Variants in GAS5 observed in about 807,000 individuals in gnomAD.
The protein encoded by GAS5 is growth arrest specific 5.
upstream of GAS5, chr1:173,867,944 CA>C (rs570420988): frequency 4.0e-4 from 143 of 361,276 alleles, 1 homozygote; most frequent in Non-Finnish European, 6.3e-4. Flanking sequence ...GCAACATTCG[CA>C]AAGATAAAAC....
chr1:173,868,090 T>C, upstream of GAS5: 1 of 168,734 alleles, frequency 5.9e-6, no homozygotes, highest in Non-Finnish European at 1.3e-5. Flanking sequence ...CTAACCTCCC[T>C]CAATCTTCCT....
At chr1:173,864,589 C>T in intron 6 of GAS5, 1 of 377,162 alleles carries the variant, frequency 2.7e-6, no homozygotes, top group Admixed American at 3.5e-5. Flanking sequence ...TTTTAAACAG[C>T]TAATCACTCC....
At chr1:173,868,403 G>C (rs1421966382), upstream of GAS5, 1 of 153,028 alleles carries the variant, frequency 6.5e-6, no homozygotes, top group Admixed American at 6.5e-5. Flanking sequence ...TCCACCCCCG[G>C]AGGTAGGTGC....
At chr1:173,865,881 A>C in exon 5 of GAS5, 4 of 518,528 alleles carry the variant, frequency 7.7e-6, no homozygotes, top group South Asian at 5.6e-5. Flanking sequence ...TGGTCCAGGC[A>C]AGTTGGACTC....
Position 173,866,256 on chromosome 1 carries a change from T to C in GAS5, n.132-50A>G, listed in dbSNP as rs764504768. ...AGCAAAAAATATTTTAATGGTAGAT[T>C]GGTGGTACACTGCTTAACCATTAAC... is the stretch of plus-strand genomic sequence containing the variant. On this transcript the variant is annotated intron_variant and non_coding_transcript_variant, in intron 3 of 7. Coordinates refer to ENST00000651080, the Ensembl canonical transcript of GAS5. The C allele has an allele frequency of 2.0e-5, 10 of 493,446 alleles. 1 individual carries two copies. Among genetic ancestry groups the C allele is most frequent in the South Asian group, 1.5e-4 (10 of 67,828 alleles). The allele number at this position is 493,446 out of a possible 1,614,324, so 30.6% of individuals were successfully genotyped here.
chr1:173,867,776 T>C (rs369867264), upstream of GAS5: 2 of 519,196 alleles, frequency 3.9e-6, no homozygotes, highest in Non-Finnish European at 7.7e-6. Flanking sequence ...TCCGCAGTTC[T>C]ACTCTAACAT....
exon 4 of GAS5, chr1:173,866,200 C>G (rs1448003008): frequency 1.7e-5 from 8 of 476,786 alleles, no homozygotes; most frequent in South Asian, 7.6e-5. Context: ...AGCTTTCTGT[C>G]TAATGCCTGT....
intron 3 of GAS5, chr1:173,866,235 A>C: frequency 2.1e-6 from 1 of 486,948 alleles, no homozygotes; most frequent in Non-Finnish European, 4.1e-6. Flanking sequence ...ATTGTCAGCA[A>C]AAAATATTTT....
intron 2 of GAS5, chr1:173,866,730 A>G: frequency 1.3e-6 from 1 of 765,512 alleles, no homozygotes; most frequent in Non-Finnish European, 2.4e-6. Flanking sequence ...CAATGGCTTT[A>G]AACCTTTTTG....
chr1:173,865,286 T>C (rs991796660), intron 6 of GAS5: 1 of 427,772 alleles, frequency 2.3e-6, no homozygotes, highest in Non-Finnish European at 4.6e-6. Flanking sequence ...TCCATACCTG[T>C]AGAAATTTAA....
At chr1:173,866,598 G>C (rs1557873133) in intron 2 of GAS5, 1 of 763,142 alleles carries the variant, frequency 1.3e-6, no homozygotes, top group Admixed American at 1.7e-5. Context: ...GTGAACTTAG[G>C]TGTACTCTCT....
At chr1:173,867,644 C>G (rs754466923), upstream of GAS5, 2 of 519,028 alleles carry the variant, frequency 3.9e-6, no homozygotes, top group East Asian at 1.1e-4. Context: ...CGGCCCTTAA[C>G]AATAGCTTAC....
chr1:173,866,768 G>C lies in GAS5; in HGVS notation n.84C>G, dbSNP rs575778554. The stretch of plus-strand genomic sequence containing the variant: ...AGGGAATTTTCAACTTACTTCAGTA[G>C]CTATTCTCATCCTTCCTTGGGGACA... On this transcript the variant is annotated non_coding_transcript_exon_variant, in exon 2 of 8. Transcript: ENST00000651080. 3.9e-6 allele frequency: 3 copies of C among 765,264 alleles called. No individual in the cohort carries two copies. In the Admixed American group the frequency reaches 5.1e-5, roughly 13 times the overall value. The allele number at this position is 765,264 out of a possible 1,614,324, so 47.4% of individuals were successfully genotyped here. A position where few individuals can be genotyped will look rare whatever the true frequency, so the allele number is the denominator to read the frequency against.
chr1:173,867,025 T>C, exon 1 of GAS5: 1 of 762,770 alleles, frequency 1.3e-6, no homozygotes, highest in Admixed American at 1.7e-5. Context: ...CCACACTGCA[T>C]CTGCACCCAG....
chr1:173,866,042 CTT>C (rs1224869125), intron 4 of GAS5: 1 of 519,030 alleles, frequency 1.9e-6, no homozygotes, highest in Non-Finnish European at 3.8e-6. Flanking sequence ...CATTTACAAA[CTT>C]TCTTATTAAT....
At chr1:173,867,202 A>C (rs1382602279), upstream of GAS5, 5 of 548,686 alleles carry the variant, frequency 9.1e-6, no homozygotes, top group African/African-American at 3.8e-5. Context: ...TGTTACAAAG[A>C]AGCACTGCAC....
chr1:173,867,023 C>T, exon 1 of GAS5: 5 of 762,574 alleles, frequency 6.6e-6, no homozygotes, highest in Non-Finnish European at 1.2e-5. Context: ...AGCCACACTG[C>T]ATCTGCACCC....
At chr1:173,864,471 A>G (rs1428304823) in intron 6 of GAS5, 1 of 514,372 alleles carries the variant, frequency 1.9e-6, no homozygotes, top group Non-Finnish European at 3.9e-6. Context: ...ACATGTACCA[A>G]AAGCTGACTC....
At chr1:173,865,434 CTCAA>C (rs1435729506) in intron 6 of GAS5, 13 of 514,892 alleles carry the variant, frequency 2.5e-5, no homozygotes, top group South Asian at 5.6e-5. Flanking sequence ...CTAACAGTAG[CTCAA>C]TCAATTAACG....
Sources: gnomAD v4.1 joint callset for allele counts on GRCh38, gnomAD v4.1.1 for gene constraint, MANE v1.5 for transcripts, NCBI Gene and HGNC (gene_info 2026-07-23, HGNC 2026-07-21) for gene names.